Variants in SNTG2 observed in about 807,000 individuals in gnomAD.
SNTG2 encodes the protein gamma-2-syntrophin.
SNTG2 carries 74 observed loss-of-function variants against 70.9 expected under a neutral mutation model. The observed-to-expected ratio is 1.04, with a 90% CI of 0.86 to 1.27. The LOEUF is 1.27. SNTG2 is among the 50% of genes most tolerant of loss of function. SNTG2 has a pLI of 0.00. For missense variants in SNTG2, 717 were observed against 690.7 expected (o/e 1.04, Z -0.43); for synonymous variants, 278 against 273.8 (o/e 1.02, Z -0.15).
intron 16 of SNTG2, among the ~76,000 whole-genome samples, chr2:1,347,065 C>G (rs1420444266): frequency 2.4e-5 from 3 of 126,416 alleles, no homozygotes; most frequent in East Asian, 2.6e-4. Flanking sequence ...TCCCCAGGCC[C>G]TTTAGAAAGG....
At chr2:1,053,806 C>G (rs1453607431) in intron 1 of SNTG2, among the ~76,000 whole-genome samples, 1 of 152,018 alleles carries the variant, frequency 6.6e-6, no homozygotes, top group African/African-American at 2.4e-5. Context: ...CTTCCTTATC[C>G]TTTCCTCCAT....
At chr2:1,326,349 G>T (rs866598532) in intron 16 of SNTG2, among the ~76,000 whole-genome samples, 16 of 152,148 alleles carry the variant, frequency 1.1e-4, no homozygotes, top group Middle Eastern at 6.8e-3. Flanking sequence ...TTATTTTAAG[G>T]TCAAAAAGGC....
Position 1,197,523 on chromosome 2 carries a change from G to GTATATATATA in SNTG2, c.592-11579_592-11578insATATATATAT, listed in dbSNP as rs1553353460. On this transcript the variant is annotated intron_variant, in intron 8 of 16. Coordinates refer to ENST00000308624, the MANE Select transcript of SNTG2 (RefSeq NM_018968.4). ...TATGTGTATGTATATATATGTGTGT[G>GTATATATATA]TGTGTGTGTGTGTGTGTGTGTGTGT... 2.4e-3 allele frequency among the ~76,000 whole-genome samples: 229 copies of GTATATATATA among 97,238 alleles called. 1 individual carries two copies. The highest frequency in any genetic ancestry group is 7.7e-3 in the African/African-American group (211 of 27,444). 63.8% of individuals were successfully genotyped at this position (97,238 alleles called of 152,430 possible).
intron 9 of SNTG2, among the ~76,000 whole-genome samples, chr2:1,211,587 A>G (rs1221028327): frequency 6.6e-6 from 1 of 152,176 alleles, no homozygotes; most frequent in Non-Finnish European, 1.5e-5. Flanking sequence ...AGGCCTCACA[A>G]TCATGTCAGA....
At chr2:1,249,866 T>A (rs576930741) in intron 12 of SNTG2, among the ~76,000 whole-genome samples, 4 of 152,268 alleles carry the variant, frequency 2.6e-5, no homozygotes, top group Admixed American at 2.6e-4. Context: ...CTCAGGGCCC[T>A]GAGGTCGCTG....
At chr2:1,137,106 A>G (rs887911490) in intron 4 of SNTG2, among the ~76,000 whole-genome samples, 1 of 152,206 alleles carries the variant, frequency 6.6e-6, no homozygotes, top group Non-Finnish European at 1.5e-5. Context: ...AAATCAATCT[A>G]GCTTTCCTTA....
At chr2:1,325,707 C>T (rs1395980730) in intron 16 of SNTG2, among the ~76,000 whole-genome samples, 1 of 152,132 alleles carries the variant, frequency 6.6e-6, no homozygotes, top group Non-Finnish European at 1.5e-5. Context: ...ACAATAATTG[C>T]CTGTGGGTGA....
chr2:1,360,118 T>C (rs1661060508), intron 16 of SNTG2, among the ~76,000 whole-genome samples: 1 of 152,242 alleles, frequency 6.6e-6, no homozygotes, highest in Non-Finnish European at 1.5e-5. Flanking sequence ...CTATCGATGC[T>C]TAACAAATTA....
intron 8 of SNTG2, among the ~76,000 whole-genome samples, chr2:1,192,111 C>T (rs4971369): frequency 0.31 from 47,768 of 151,982 alleles, 8,109 homozygotes; most frequent in East Asian, 0.65. Flanking sequence ...TTAAGAACCA[C>T]GCATGGGCTC....
intron 4 of SNTG2, among the ~76,000 whole-genome samples, chr2:1,100,809 G>A (rs1306551037): frequency 6.6e-6 from 1 of 152,146 alleles, no homozygotes; most frequent in African/African-American, 2.4e-5. Flanking sequence ...AAGAGAATAA[G>A]ACAGTAAGGT....
rs750116573 is a variant in SNTG2, at chr2:1,173,061, A to G, written c.500-31A>G. The G allele has an allele frequency of 3.7e-6, 6 of 1,603,028 alleles. No homozygotes were observed. In the East Asian group the frequency reaches 6.7e-5, roughly 18 times the overall value. ...ACAGTGTGCTTTGTCAGTGGCACCA[A>G]TTGGAAGGGACTTCTCTTGTTTTGC... On this transcript the variant is annotated intron_variant, in intron 7 of 16. Coordinates refer to ENST00000308624, the MANE Select transcript of SNTG2 (RefSeq NM_018968.4).
At chr2:1,286,764 G>A (rs1446185531) in intron 14 of SNTG2, among the ~76,000 whole-genome samples, 1 of 152,220 alleles carries the variant, frequency 6.6e-6, no homozygotes, top group Non-Finnish European at 1.5e-5. Flanking sequence ...TGAGGGCTCA[G>A]TGTTGGTCTC....
chr2:1,191,731 G>T (rs1476340068), intron 8 of SNTG2, among the ~76,000 whole-genome samples: 2 of 152,132 alleles, frequency 1.3e-5, no homozygotes, highest in Non-Finnish European at 1.5e-5. Context: ...GGAGGCAGAG[G>T]TTGCAGTGAG....
Position 1,308,476 on chromosome 2 carries a change from A to C in SNTG2, c.1285-18A>C. On this transcript the variant is annotated intron_variant, in intron 14 of 16. Coordinates refer to ENST00000308624, the MANE Select transcript of SNTG2 (RefSeq NM_018968.4). ...CATTATTAAAGAATGTTTTCTCAAA[A>C]TTGATACTTTTTTCTAGTCCAGAAC... 6.5e-7 allele frequency: 1 copy of C among 1,548,274 alleles called. No individual in the cohort carries two copies. Among genetic ancestry groups the C allele is most frequent in the Non-Finnish European group, 8.7e-7 (1 of 1,144,374 alleles).
chr2:1,363,129 A>AAC (rs1661290695), intron 16 of SNTG2, among the ~76,000 whole-genome samples: 1 of 140,570 alleles, frequency 7.1e-6, no homozygotes, highest in Admixed American at 7.1e-5. Flanking sequence ...CACAAAATGG[A>AAC]CCCCCCCCAT....
intron 1 of SNTG2, among the ~76,000 whole-genome samples, chr2:1,010,717 C>T (rs572558851): frequency 3.9e-5 from 6 of 152,282 alleles, no homozygotes; most frequent in East Asian, 1.9e-4. Context: ...AGGCCCTATA[C>T]GCAGGGCTCT....
chr2:994,587 A>G (rs1661612627), intron 1 of SNTG2, among the ~76,000 whole-genome samples: 3 of 152,212 alleles, frequency 2.0e-5, no homozygotes, highest in Admixed American at 2.0e-4. Context: ...TGGGATTTTG[A>G]TAGACATTGT....
chr2:1,217,406 A>G (rs901879106), intron 9 of SNTG2, among the ~76,000 whole-genome samples: 8 of 152,338 alleles, frequency 5.3e-5, no homozygotes, highest in African/African-American at 1.9e-4. Context: ...ACACAGTACG[A>G]GAAAAGATTG....
At chr2:1,222,294 G>C (rs1045514448) in intron 9 of SNTG2, among the ~76,000 whole-genome samples, 4 of 152,236 alleles carry the variant, frequency 2.6e-5, no homozygotes, top group African/African-American at 7.2e-5. Context: ...ATGCTGCAAA[G>C]TCTCCGCTTT....
Sources: gnomAD v4.1 joint callset for allele counts (sites outside exome capture counted in the v4.1 genomes callset) on GRCh38, gnomAD v4.1.1 for gene constraint, MANE v1.5 for transcripts, NCBI Gene and HGNC (gene_info 2026-07-23, HGNC 2026-07-21) for gene names.